The following DNER variants were observed in gnomAD, a reference collection of about 807,000 sequenced individuals.
DNER encodes the protein delta/notch like EGF repeat containing.
In DNER, 33 loss-of-function variants were observed where a neutral mutation model predicts 78.2. The ratio of observed to expected loss-of-function variants is 0.42; its 90% CI spans 0.32 to 0.56. DNER has a LOEUF of 0.56. Among genes scored for constraint, DNER ranks in the 20% least tolerant of loss-of-function variants. The pLI, the probability that DNER is intolerant of heterozygous loss-of-function variation, is 0.11. For synonymous variants in DNER, 417 were observed against 384.8 expected, an observed-to-expected ratio of 1.08 and a Z score of -0.98; for missense variants, 918 against 975.3, an observed-to-expected ratio of 0.94 and a Z score of 0.78.
chr2:229,407,454 C>T (rs1395656680), intron 9 of DNER, 109 bp from the exon 10 acceptor site: 4 of 923,672 alleles, frequency 4.3e-6, no homozygotes, highest in Non-Finnish European at 6.6e-6. Flanking sequence ...AGATTCCCAG[C>T]GTGGGTGTGT....
At chr2:229,398,117 A>G (rs1462726086) in intron 10 of DNER, among the ~76,000 whole-genome samples, 4 of 152,138 alleles carry the variant, frequency 2.6e-5, no homozygotes, top group Non-Finnish European at 4.4e-5. Flanking sequence ...AATTGACAAA[A>G]CTCTAGCAAG....
chr2:229,654,563 T>C (rs1698881960), intron 1 of DNER, among the ~76,000 whole-genome samples: 1 of 152,210 alleles, frequency 6.6e-6, no homozygotes, highest in South Asian at 2.1e-4. Flanking sequence ...GAGGTTATGT[T>C]TTGTCTGCCT....
At chr2:229,434,181 C>A in intron 8 of DNER, among the ~76,000 whole-genome samples, 1 of 152,216 alleles carries the variant, frequency 6.6e-6, no homozygotes, top group Non-Finnish European at 1.5e-5. Context: ...CCACGATTAT[C>A]TTTCTGGCTG....
At chr2:229,456,733 C>T (rs1312235003) in intron 7 of DNER, among the ~76,000 whole-genome samples, 1 of 152,032 alleles carries the variant, frequency 6.6e-6, no homozygotes, top group Non-Finnish European at 1.5e-5. Flanking sequence ...TATTTTCCCC[C>T]TTCATCCATC....
chr2:229,486,462 A>G (rs1329887716), intron 6 of DNER, among the ~76,000 whole-genome samples: 1 of 152,182 alleles, frequency 6.6e-6, no homozygotes, highest in Non-Finnish European at 1.5e-5. Context: ...AAGTAAATAG[A>G]CAAGAGGCAC....
intron 1 of DNER, among the ~76,000 whole-genome samples, chr2:229,654,635 G>C (rs941506851): frequency 1.3e-5 from 2 of 152,152 alleles, no homozygotes; most frequent in Non-Finnish European, 2.9e-5. Flanking sequence ...CCAACTCTCT[G>C]GCCTTCGGGC....
At chr2:229,710,983 G>GCACACA (rs34720917) in intron 1 of DNER, among the ~76,000 whole-genome samples, 4,264 of 139,698 alleles carry the variant, frequency 0.031, 129 homozygotes, top group African/African-American at 0.082. Flanking sequence ...GCATACACGC[G>GCACACA]CACACACACA....
At chr2:229,398,485 G>A (rs910908670) in intron 10 of DNER, among the ~76,000 whole-genome samples, 1 of 151,980 alleles carries the variant, frequency 6.6e-6, no homozygotes, top group Admixed American at 6.6e-5. Context: ...AGAACACTTC[G>A]CAACTTATTC....
chr2:229,447,267 G>A, intron 8 of DNER, 49 bp downstream of exon 8: 1 of 1,498,792 alleles, frequency 6.7e-7, no homozygotes, highest in Non-Finnish European at 9.0e-7. Context: ...TTTTGAGATT[G>A]GTTTGAGATT....
intron 4 of DNER, among the ~76,000 whole-genome samples, chr2:229,577,252 T>C (rs1282850624): frequency 6.6e-6 from 1 of 152,216 alleles, no homozygotes; most frequent in Non-Finnish European, 1.5e-5. Context: ...AATAAAGTAC[T>C]GCAGGCTTGT....
intron 1 of DNER, among the ~76,000 whole-genome samples, chr2:229,644,711 G>A (rs1303812493): frequency 3.3e-5 from 5 of 152,098 alleles, no homozygotes; most frequent in Non-Finnish European, 1.5e-5. Flanking sequence ...AGGTTTCTAA[G>A]GCTCTTTCAT....
rs1409850665 is a variant in DNER, at chr2:229,515,635, C to CTTT, written c.994-2702_994-2700dup. Among the ~76,000 whole-genome samples, 24 of 123,240 alleles carry CTTT rather than the reference C, an allele frequency of 1.9e-4. 1 individual carries two copies. The highest frequency in any genetic ancestry group is 3.1e-4 in the South Asian group (1 of 3,178). The allele number at this position is 123,240 out of a possible 152,430, so 80.9% of individuals were successfully genotyped here. A position where few individuals can be genotyped will look rare whatever the true frequency, so the allele number is the denominator to read the frequency against. ...CCCAAATCAAATATCTTCAAGTTAGCTTTATTTTTTTATTTTTTTTTTTTT... is the reference window on the plus strand; with the variant it reads ...CCCAAATCAAATATCTTCAAGTTAGCTTTTTTATTTTTTTATTTTTTTTTTTTT... On this transcript the variant is annotated intron_variant, in intron 5 of 12. Transcript: ENST00000341772.
chr2:229,654,823 G>A (rs1698886164), intron 1 of DNER, among the ~76,000 whole-genome samples: 1 of 152,068 alleles, frequency 6.6e-6, no homozygotes. Context: ...CTTTTATTGA[G>A]CACATTAATG....
chr2:229,620,765 C>G (rs991388931), intron 1 of DNER, among the ~76,000 whole-genome samples: 1 of 152,146 alleles, frequency 6.6e-6, no homozygotes, highest in African/African-American at 2.4e-5. Context: ...TATTTGAAGA[C>G]AAAGTCTTTA....
At chr2:229,371,316 C>T (rs573567903) in intron 11 of DNER, among the ~76,000 whole-genome samples, 1 of 152,210 alleles carries the variant, frequency 6.6e-6, no homozygotes. Flanking sequence ...TGCTTTGCTG[C>T]ATCCCAGGAG....
At chr2:229,640,958 A>C (rs771720353) in intron 1 of DNER, among the ~76,000 whole-genome samples, 33 of 152,132 alleles carry the variant, frequency 2.2e-4, no homozygotes, top group Admixed American at 5.2e-4. Flanking sequence ...GGCTCAATGG[A>C]GCACATGGCT....
At chr2:229,413,285 T>C (rs963583269) in intron 9 of DNER, among the ~76,000 whole-genome samples, 4 of 150,556 alleles carry the variant, frequency 2.7e-5, no homozygotes, top group Non-Finnish European at 4.4e-5. Context: ...CTGGCAGAAG[T>C]TCCCCCTCAT....
chr2:229,530,064 A>G (rs75090741), intron 5 of DNER, among the ~76,000 whole-genome samples: 3,013 of 152,288 alleles, frequency 0.02, 62 homozygotes, highest in Non-Finnish European at 0.03. Flanking sequence ...AAAGGAGTTT[A>G]AAAAGCACCT....
At chr2:229,484,391 C>T (rs888386345) in intron 6 of DNER, among the ~76,000 whole-genome samples, 3 of 152,194 alleles carry the variant, frequency 2.0e-5, no homozygotes, top group Non-Finnish European at 4.4e-5. Flanking sequence ...CTAAAGGGCC[C>T]CTTCCTTTCT....
Sources: gnomAD v4.1 joint callset for allele counts (sites outside exome capture counted in the v4.1 genomes callset) on GRCh38, gnomAD v4.1.1 for gene constraint, MANE v1.5 for transcripts, NCBI Gene and HGNC (gene_info 2026-07-23, HGNC 2026-07-21) for gene names.